The following RANBP2 variants were observed in gnomAD, a reference collection of about 807,000 sequenced individuals.
RANBP2 encodes the protein E3 SUMO-protein ligase RanBP2.
In RANBP2, 57 loss-of-function variants were observed where a neutral mutation model predicts 303.6. The ratio of observed to expected loss-of-function variants is 0.19; its 90% confidence interval spans 0.15 to 0.23. The LOEUF (loss-of-function observed/expected upper bound fraction) is 0.23, where lower values mean the gene tolerates loss of function less well. Ranked by LOEUF, RANBP2 falls within the 10% of genes least tolerant of loss-of-function variation. The pLI, the probability that RANBP2 is intolerant of heterozygous loss-of-function variation, is 1.00. For synonymous variants in RANBP2, 1,167 were observed against 1,301.5 expected, an observed-to-expected ratio of 0.90 and a Z score of 2.23; for missense variants, 3,138 against 3,780.8, an observed-to-expected ratio of 0.83 and a Z score of 4.46.
chr2:109,233,992 T>C, the RANBP2 span, among the ~76,000 whole-genome samples: 1,346 of 152,352 alleles, frequency 8.8e-3, 16 homozygotes, highest in African/African-American at 0.031. Flanking sequence ...TTGGCAGTCA[T>C]TGATAAAGCC....
At chr2:109,260,758 C>T in the RANBP2 span, among the ~76,000 whole-genome samples, 15 of 152,132 alleles carry the variant, frequency 9.9e-5, no homozygotes, top group South Asian at 4.1e-4. Flanking sequence ...ACAGAAGGCA[C>T]GGAAACTTCA....
the RANBP2 span, among the ~76,000 whole-genome samples, chr2:109,355,392 G>A: frequency 4.6e-5 from 7 of 152,182 alleles, no homozygotes; most frequent in African/African-American, 1.7e-4. Context: ...AGGGTTGGTG[G>A]ACTAGGACTC....
At chr2:109,088,009 A>T in the RANBP2 span, among the ~76,000 whole-genome samples, 1 of 152,188 alleles carries the variant, frequency 6.6e-6, no homozygotes, top group African/African-American at 2.4e-5. Flanking sequence ...TCACGCCTGT[A>T]ATCCCAGCAC....
At chr2:109,121,335 A>T in the RANBP2 span, among the ~76,000 whole-genome samples, 1 of 152,230 alleles carries the variant, frequency 6.6e-6, no homozygotes, top group Non-Finnish European at 1.5e-5. Context: ...TGGGTATCTG[A>T]AAATTAAAAA....
chr2:109,189,416 T>TG, the RANBP2 span, among the ~76,000 whole-genome samples: 5 of 151,564 alleles, frequency 3.3e-5, no homozygotes, highest in South Asian at 1.0e-3. Context: ...TCGCCCAGGC[T>TG]GGAGTGCAAT....
chr2:109,629,031 C>A, the RANBP2 span, among the ~76,000 whole-genome samples: 1 of 151,358 alleles, frequency 6.6e-6, no homozygotes, highest in Non-Finnish European at 1.5e-5. Flanking sequence ...GGTAAAACCT[C>A]GTCTCTACTA....
At chr2:108,992,864 T>C in the RANBP2 span, among the ~76,000 whole-genome samples, 1 of 152,202 alleles carries the variant, frequency 6.6e-6, no homozygotes, top group South Asian at 2.1e-4. Context: ...CCTGGCTTCT[T>C]TGCTTTCCTA....
At chr2:109,120,615 C>G in the RANBP2 span, among the ~76,000 whole-genome samples, 1 of 147,750 alleles carries the variant, frequency 6.8e-6, no homozygotes, top group Non-Finnish European at 1.5e-5. Context: ...TGTGGTGAGC[C>G]GAGATCGCGC....
the RANBP2 span, among the ~76,000 whole-genome samples, chr2:109,541,786 TGA>T: frequency 6.6e-6 from 1 of 152,226 alleles, no homozygotes; most frequent in East Asian, 1.9e-4. Context: ...TTGTGATCTG[TGA>T]GAGGCAGACA....
At chr2:109,286,792 C>T in the RANBP2 span, among the ~76,000 whole-genome samples, 3 of 152,192 alleles carry the variant, frequency 2.0e-5, no homozygotes, top group African/African-American at 4.8e-5. Flanking sequence ...CCATACCTCC[C>T]GGGAGGAGTG....
At chr2:109,677,411 C>G in the RANBP2 span, among the ~76,000 whole-genome samples, 1 of 152,192 alleles carries the variant, frequency 6.6e-6, no homozygotes, top group Non-Finnish European at 1.5e-5. Flanking sequence ...TTCTTTGTCC[C>G]TATCCGTGAC....
At chr2:109,424,048 G>A in the RANBP2 span, among the ~76,000 whole-genome samples, 2 of 152,198 alleles carry the variant, frequency 1.3e-5, no homozygotes, top group Admixed American at 1.3e-4. Context: ...GCAGGCCCTG[G>A]TGGTGGCAGC....
chr2:109,584,937 A>C, the RANBP2 span, among the ~76,000 whole-genome samples: 3 of 152,230 alleles, frequency 2.0e-5, no homozygotes, highest in African/African-American at 7.2e-5. Flanking sequence ...GAAATTAGAC[A>C]AATGGCTAGA....
chr2:109,455,435 A>G, the RANBP2 span, among the ~76,000 whole-genome samples: 1 of 152,256 alleles, frequency 6.6e-6, no homozygotes, highest in African/African-American at 2.4e-5. Flanking sequence ...ACCCATAATG[A>G]CAGCAGCAAG....
the RANBP2 span, among the ~76,000 whole-genome samples, chr2:109,003,704 C>A: frequency 2.6e-4 from 40 of 152,200 alleles, no homozygotes; most frequent in Admixed American, 7.9e-4. Context: ...AGCCACTGCG[C>A]CCAGCCAGTT....
At chr2:109,151,240 C>T in the RANBP2 span, among the ~76,000 whole-genome samples, 2,181 of 152,202 alleles carry the variant, frequency 0.014, 49 homozygotes, top group African/African-American at 0.05. Flanking sequence ...TCTTCTTGTC[C>T]GAGGCTTTTT....
the RANBP2 span, among the ~76,000 whole-genome samples, chr2:109,392,709 G>C: frequency 1.9e-4 from 29 of 152,010 alleles, no homozygotes; most frequent in African/African-American, 7.0e-4. Context: ...TAGAGATGGG[G>C]TTTCACCGTG....
the RANBP2 span, among the ~76,000 whole-genome samples, chr2:109,190,074 T>C: frequency 1.3e-5 from 2 of 152,278 alleles, no homozygotes; most frequent in Non-Finnish European, 2.9e-5. Context: ...TTGTCGTTGC[T>C]TTAAACTTTT....
the RANBP2 span, among the ~76,000 whole-genome samples, chr2:109,625,100 A>G: frequency 2.0e-5 from 3 of 150,392 alleles, no homozygotes; most frequent in Middle Eastern, 6.8e-3. Context: ...AAAAAAAAAA[A>G]AAAAAAAGAA....
Sources: gnomAD v4.1 joint callset for allele counts (sites outside exome capture counted in the v4.1 genomes callset) on GRCh38, gnomAD v4.1.1 for gene constraint, MANE v1.5 for transcripts, NCBI Gene and HGNC (gene_info 2026-07-23, HGNC 2026-07-21) for gene names.